Variants in LIN28B observed in about 807,000 individuals in gnomAD.
The protein encoded by LIN28B is lin-28 RNA binding posttranscriptional regulator B.
In LIN28B, 5 loss-of-function variants were observed where a neutral mutation model predicts 21.9. The observed-to-expected ratio is 0.23, with a 90% CI of 0.12 to 0.48. The LOEUF (loss-of-function observed/expected upper bound fraction) is 0.48. Ranked by LOEUF, LIN28B falls within the 20% of genes least tolerant of loss-of-function variation. The pLI is 0.98. For missense variants in LIN28B, 245 were observed against 310.5 expected, an observed-to-expected ratio of 0.79 and a Z score of 1.58; for synonymous variants, 109 against 111.3, an observed-to-expected ratio of 0.98 and a Z score of 0.13.
intron 3 of LIN28B, among the ~76,000 whole-genome samples, chr6:105,028,787 A>G (rs1771357477): frequency 6.6e-6 from 1 of 152,216 alleles, no homozygotes; most frequent in Non-Finnish European, 1.5e-5. Context: ...AAAAATTGGC[A>G]ACATTTAGCA....
At chr6:105,062,422 G>A (rs888232617) in intron 3 of LIN28B, among the ~76,000 whole-genome samples, 5 of 152,074 alleles carry the variant, frequency 3.3e-5, no homozygotes, top group Admixed American at 6.5e-5. Flanking sequence ...AAGAACAGTC[G>A]TCAGCAACAG....
chr6:105,012,494 A>G (rs1047451958), intron 2 of LIN28B, among the ~76,000 whole-genome samples: 4 of 152,004 alleles, frequency 2.6e-5, no homozygotes, highest in African/African-American at 9.7e-5. Context: ...AAACAAACAA[A>G]CAAACAAAAA....
chr6:105,074,292 G>A (rs955396884), intron 3 of LIN28B, among the ~76,000 whole-genome samples: 1 of 152,042 alleles, frequency 6.6e-6, no homozygotes, highest in South Asian at 2.1e-4. Context: ...CCGCCTCCTG[G>A]GTTCACGCCA....
intron 3 of LIN28B, among the ~76,000 whole-genome samples, chr6:105,057,714 ATTAGTTTAC>A (rs574494018): frequency 2.3e-3 from 344 of 152,276 alleles, no homozygotes; most frequent in African/African-American, 7.4e-3. Context: ...TGAAGTATGT[ATTAGTTTAC>A]TATAAATTAC....
At chr6:104,987,241 T>A (rs1365364050) in intron 2 of LIN28B, among the ~76,000 whole-genome samples, 1 of 152,248 alleles carries the variant, frequency 6.6e-6, no homozygotes. Flanking sequence ...TAGTATTTTT[T>A]TACATTTTAT....
chr6:105,036,984 A>T (rs1345475368), intron 3 of LIN28B, among the ~76,000 whole-genome samples: 1 of 152,188 alleles, frequency 6.6e-6, no homozygotes, highest in East Asian at 1.9e-4. Context: ...TTAAATGAAC[A>T]TTATGACATT....
At chr6:105,057,398 A>G (rs1772041022) in intron 3 of LIN28B, among the ~76,000 whole-genome samples, 1 of 152,196 alleles carries the variant, frequency 6.6e-6, no homozygotes, top group Non-Finnish European at 1.5e-5. Flanking sequence ...ATAGGAAATT[A>G]TTTGGCTCCT....
intron 2 of LIN28B, 94 bp downstream of exon 2, chr6:104,958,380 C>T: frequency 9.8e-7 from 1 of 1,022,698 alleles, no homozygotes; most frequent in Non-Finnish European, 1.4e-6. Context: ...AGATGTCCTT[C>T]GGTATATTGA....
intron 3 of LIN28B, among the ~76,000 whole-genome samples, chr6:105,061,449 A>G (rs965570127): frequency 6.6e-6 from 1 of 152,104 alleles, no homozygotes; most frequent in African/African-American, 2.4e-5. Flanking sequence ...TGATCTCTTT[A>G]GCATTCTTGT....
chr6:105,044,212 G>A (rs1034245183), intron 3 of LIN28B, among the ~76,000 whole-genome samples: 7 of 152,128 alleles, frequency 4.6e-5, no homozygotes, highest in African/African-American at 1.7e-4. Context: ...GTTGATTTGT[G>A]AAAGTTCTTC....
At chr6:105,037,393 A>G (rs1439264830) in intron 3 of LIN28B, among the ~76,000 whole-genome samples, 1 of 152,152 alleles carries the variant, frequency 6.6e-6, no homozygotes, top group Admixed American at 6.6e-5. Flanking sequence ...CCAAATTCAC[A>G]TTGGCATTTT....
At chr6:105,033,673 C>G (rs941560850) in intron 3 of LIN28B, among the ~76,000 whole-genome samples, 1 of 151,514 alleles carries the variant, frequency 6.6e-6, no homozygotes, top group African/African-American at 2.4e-5. Context: ...AGAAATTTAA[C>G]GAGTCTATAC....
chr6:104,965,481 C>T (rs559573611), intron 2 of LIN28B, among the ~76,000 whole-genome samples: 6 of 152,326 alleles, frequency 3.9e-5, no homozygotes, highest in African/African-American at 1.2e-4. Flanking sequence ...TGAGATCACT[C>T]CATTGCACTC....
intron 2 of LIN28B, among the ~76,000 whole-genome samples, chr6:105,023,621 T>A (rs59114387): frequency 1.7e-5 from 1 of 59,740 alleles, no homozygotes; most frequent in African/African-American, 7.6e-5. Flanking sequence ...TAATATATAT[T>A]ATATATTTTA....
chr6:104,939,537 C>T (rs533185753), intron 2 of LIN28B: 9 of 152,284 alleles, frequency 5.9e-5, no homozygotes, highest in African/African-American at 2.2e-4. Context: ...TGTGGTTACC[C>T]TTGATAGATA....
intron 2 of LIN28B, among the ~76,000 whole-genome samples, chr6:105,012,545 A>C (rs1770947127): frequency 6.6e-6 from 1 of 152,014 alleles, no homozygotes; most frequent in African/African-American, 2.4e-5. Flanking sequence ...CATGCATTCT[A>C]CCACCTTCTG....
chr6:105,026,083 A>T (rs1562097613), intron 2 of LIN28B, among the ~76,000 whole-genome samples: 1 of 152,160 alleles, frequency 6.6e-6, no homozygotes, highest in Non-Finnish European at 1.5e-5. Context: ...TAATTTTTCT[A>T]AGTATTGCCA....
chr6:105,026,136 A>G (rs1771283354), intron 2 of LIN28B, among the ~76,000 whole-genome samples, 162 bp from the exon 3 acceptor site: 2 of 152,184 alleles, frequency 1.3e-5, no homozygotes, highest in African/African-American at 4.8e-5. Context: ...AGTATTGCAA[A>G]AAGAAACTTT....
chr6:104,945,214 C>T (rs754185589), intron 2 of LIN28B, among the ~76,000 whole-genome samples: 2 of 152,014 alleles, frequency 1.3e-5, no homozygotes, highest in Non-Finnish European at 2.9e-5. Flanking sequence ...GTTATAATCT[C>T]CTCTGTTAGT....
Sources: allele counts gnomAD v4.1 joint callset (sites outside exome capture counted in the v4.1 genomes callset), GRCh38; gene constraint gnomAD v4.1.1; transcripts MANE v1.5; gene names NCBI Gene and HGNC (gene_info 2026-07-23, HGNC 2026-07-21).